The following PRR3 variants were observed in gnomAD, a reference collection of about 807,000 sequenced individuals.
PRR3 encodes proline rich 3.
In PRR3, 16 loss-of-function variants were observed where a neutral mutation model predicts 22.4. The observed-to-expected ratio is 0.71, with a 90% confidence interval of 0.48 to 1.09. The LOEUF (loss-of-function observed/expected upper bound fraction) is 1.09. Ranked by LOEUF, PRR3 falls within the 50% of genes least tolerant of loss-of-function variation. The pLI is 0.00. For missense variants in PRR3, 224 were observed against 243.4 expected (o/e 0.92, Z 0.53); for synonymous variants, 87 against 88.6 (o/e 0.98, Z 0.10).
intron 2 of PRR3, among the ~76,000 whole-genome samples, chr6:30,558,872 T>C (rs1461487397): frequency 2.6e-5 from 4 of 152,174 alleles, no homozygotes; most frequent in African/African-American, 9.7e-5. Flanking sequence ...GATATTCATG[T>C]GAAAAAAATG....
rs972603522 is a variant in PRR3, at chr6:30,563,042, T to C, written c.*547T>C. ...TCCTAAAAGGCCACTCTCCCTGCCT[T>C]TGGATTTCATAGTTTCTCTGTCAGT... On this transcript the variant is annotated 3_prime_UTR_variant, in exon 4 of 4. Coordinates refer to ENST00000376560, the MANE Select transcript of PRR3 (RefSeq NM_025263.4). The C allele has an allele frequency of 4.6e-5, 7 of 152,812 alleles. No homozygotes were observed. The highest frequency in any genetic ancestry group is 1.4e-4 in the African/African-American group (6 of 41,414). The allele number at this position is 152,812 out of a possible 1,614,324, so 9.5% of individuals were successfully genotyped here.
rs1346814655 is a variant in PRR3, at chr6:30,557,353, A to C, written c.9A>C (p.Lys3Asn). 1.2e-6 allele frequency: 2 copies of C among 1,612,498 alleles called. No individual in the cohort carries two copies. The highest frequency in any genetic ancestry group is 2.2e-5 in the East Asian group (1 of 44,884). MP[K>N]RKKQNHHQPP... ...CCATTGCCGCAGACACGATGCCGAA[A>C]CGAAAGAAGCAGAATCATCACCAGC... Residue 3 changes from lysine (K) to asparagine (N), a missense_variant, in exon 1 of 4, where the codon AAA becomes AAC. Lys to Asn is a moderately conservative substitution (Grantham distance 94). Coordinates refer to ENST00000376560, the MANE Select transcript of PRR3 (RefSeq NM_025263.4).
upstream of PRR3, chr6:30,557,146 G>A (rs1284023629): frequency 2.8e-6 from 2 of 703,116 alleles, no homozygotes; most frequent in Non-Finnish European, 5.2e-6. Context: ...TGAGGTTGCC[G>A]CCATGCCTGG....
At chr6:30,558,085 C>A in intron 1 of PRR3, 65 bp from the exon 2 acceptor site, 2 of 1,362,660 alleles carry the variant, frequency 1.5e-6, no homozygotes, top group Non-Finnish European at 2.1e-6. Flanking sequence ...AAGAAAAACA[C>A]CTAAGAACAG....
Position 30,557,451 on chromosome 6 carries a change from G to T in PRR3, c.106+1G>T, listed in dbSNP as rs1289885801. ...GATGAGGAGGATGGGAGTCCCATCG[G>T]TGAGGGGTCTGGGAGGGATGTGCAC... On this transcript the variant is annotated splice_donor_variant, in intron 1 of 3. Transcript: ENST00000376560. LOFTEE classifies it high-confidence loss of function. 1.4e-5 allele frequency: 23 copies of T among 1,602,284 alleles called. No homozygotes were observed. The highest frequency in any genetic ancestry group is 1.9e-5 in the Non-Finnish European group (22 of 1,172,338).
Position 30,563,707 on chromosome 6 carries a change from A to G in PRR3, c.*1212A>G, listed in dbSNP as rs1382478231. ...TATATTAGTAATAAATGCAGTGGAA[A>G]CCAGCATTTTATTTAATCCCTGTGT... On this transcript the variant is annotated 3_prime_UTR_variant, in exon 4 of 4. Coordinates refer to ENST00000376560, the MANE Select transcript of PRR3 (RefSeq NM_025263.4). The G allele has an allele frequency of 6.6e-6, 1 of 151,800 alleles. No individual in the cohort carries two copies. Among genetic ancestry groups the G allele is most frequent in the African/African-American group, 2.4e-5 (1 of 41,284 alleles). The allele number at this position is 151,800 out of a possible 1,614,324, so 9.4% of individuals were successfully genotyped here. A position where few individuals can be genotyped will look rare whatever the true frequency, so the allele number is the denominator to read the frequency against.
rs777183814 is a variant in PRR3 at position 30,558,176 on chromosome 6, C to T, written c.133C>T (p.Pro45Ser). The change falls in exon 2 of 4, where the codon CCC becomes TCC. Residue 45 changes from proline to serine, a missense_variant. Pro to Ser is a moderately conservative substitution (Grantham distance 74). Coordinates refer to ENST00000376560, the MANE Select transcript of PRR3 (RefSeq NM_025263.4). Reference sequence around the variant, plus strand: ...ACCACCCAGCCTTCTGGGCCCTCCCCCCATGGCCAATGGAAAACCTGGCGA... The same window carrying T: ...ACCACCCAGCCTTCTGGGCCCTCCCTCCATGGCCAATGGAAAACCTGGCGA... ...IGPPSLLGPP[P>S]MANGKPGDPK... The T allele has an allele frequency of 1.9e-6, 3 of 1,612,936 alleles. No homozygotes were observed. Among genetic ancestry groups the T allele is most frequent in the East Asian group, 2.2e-5 (1 of 44,894 alleles).
intron 2 of PRR3, 31 bp downstream of exon 2, chr6:30,558,243 T>A (rs769467883): frequency 1.2e-5 from 19 of 1,592,266 alleles, no homozygotes; most frequent in Non-Finnish European, 1.6e-5. Flanking sequence ...ATCCTTGTAT[T>A]AGGTCGTAGA....
upstream of PRR3, chr6:30,556,932 A>G: frequency 3.3e-6 from 2 of 614,964 alleles, no homozygotes; most frequent in Admixed American, 2.8e-5. The surrounding 1 kb of genome is among the most constrained non-coding windows in gnomAD (Gnocchi z 5.7). Flanking sequence ...AAGGGCACGA[A>G]GTTGTGCCTG....
At position 30,561,814 on chromosome 6, in the gene PRR3, C is replaced by A. The variant is rs775587506; in HGVS notation, c.170-20C>A. 4.2e-6 allele frequency: 6 copies of A among 1,439,620 alleles called. No individual in the cohort carries two copies. The highest frequency in any genetic ancestry group is 4.6e-6 in the Non-Finnish European group (5 of 1,079,408). 89.2% of individuals were successfully genotyped at this position (1,439,620 alleles called of 1,614,324 possible). A position where few individuals can be genotyped will look rare whatever the true frequency, so the allele number is the denominator to read the frequency against. Reference sequence around the variant, plus strand: ...GCCCATTAGACACCTTTCTGTGTCTCTCTCTCTCTCTCTCTCCAGCTCTTC... The same window carrying A: ...GCCCATTAGACACCTTTCTGTGTCTATCTCTCTCTCTCTCTCCAGCTCTTC... On this transcript the variant is annotated intron_variant, in intron 2 of 3. Coordinates refer to ENST00000376560, the MANE Select transcript of PRR3 (RefSeq NM_025263.4). The surrounding 1 kb of genome is among the most constrained non-coding windows in gnomAD (Gnocchi z 4.0).
rs549417516 is a variant in PRR3, at chr6:30,562,511, T to C, written c.*16T>C. On this transcript the variant is annotated 3_prime_UTR_variant, in exon 4 of 4. Coordinates refer to ENST00000376560, the MANE Select transcript of PRR3 (RefSeq NM_025263.4). ...TCCTCTGTGAGACTGTGCCTTCCCA[T>C]CCAGGCTGGAAGGAGCTCTCTGTGA... 5.9e-6 allele frequency: 9 copies of C among 1,521,490 alleles called. No individual in the cohort carries two copies. The African/African-American group carries it at 1.2e-4, about 21-fold the overall frequency. 94.2% of individuals were successfully genotyped at this position (1,521,490 alleles called of 1,614,324 possible).
chr6:30,562,598 C>T lies in PRR3; in HGVS notation c.*103C>T. On this transcript the variant is annotated 3_prime_UTR_variant, in exon 4 of 4. Coordinates refer to ENST00000376560, the MANE Select transcript of PRR3 (RefSeq NM_025263.4). The stretch of plus-strand genomic sequence containing the variant: ...GCTACTGTGAGGCTCTTCTAACACC[C>T]TCAGTCAGTGACACACCCATCCCAT... The T allele has an allele frequency of 2.7e-6, 2 of 751,646 alleles. No homozygotes were observed. The highest frequency in any genetic ancestry group is 2.3e-6 in the Non-Finnish European group (1 of 435,758). The allele number at this position is 751,646 out of a possible 1,614,324, so 46.6% of individuals were successfully genotyped here.
At chr6:30,558,591 G>C (rs1166372579) in intron 2 of PRR3, among the ~76,000 whole-genome samples, 1 of 152,220 alleles carries the variant, frequency 6.6e-6, no homozygotes, top group Non-Finnish European at 1.5e-5. Flanking sequence ...TCAGGAGGCT[G>C]AGGTGCGAGG....
chr6:30,557,032 G>A, upstream of PRR3: 1 of 696,828 alleles, frequency 1.4e-6, no homozygotes, highest in Non-Finnish European at 2.6e-6. Context: ...AGAGCCTGTT[G>A]ACTCTGTGAC....
Position 30,562,600 on chromosome 6 carries a change from C to G in PRR3, c.*105C>G, listed in dbSNP as rs1178431709. ...TACTGTGAGGCTCTTCTAACACCCT[C>G]AGTCAGTGACACACCCATCCCATCC... On this transcript the variant is annotated 3_prime_UTR_variant, in exon 4 of 4. Transcript: ENST00000376560. 8.2e-6 allele frequency: 6 copies of G among 727,880 alleles called. No individual in the cohort carries two copies. The Admixed American group carries it at 1.1e-4, about 14-fold the overall frequency. 45.1% of individuals were successfully genotyped at this position (727,880 alleles called of 1,614,324 possible). A position where few individuals can be genotyped will look rare whatever the true frequency, so the allele number is the denominator to read the frequency against.
chr6:30,562,649 A>C lies in PRR3; in HGVS notation c.*154A>C. 3.3e-6 allele frequency: 2 copies of C among 605,834 alleles called. No homozygotes were observed. Among genetic ancestry groups the C allele is most frequent in the South Asian group, 2.1e-5 (1 of 48,712 alleles). 37.5% of individuals were successfully genotyped at this position (605,834 alleles called of 1,614,324 possible). A position where few individuals can be genotyped will look rare whatever the true frequency, so the allele number is the denominator to read the frequency against. ...CCACCACTTCCCCCGTGTGGGGTCC[A>C]GAGTGGTGTTGCATCACTGGTGCGC... On this transcript the variant is annotated 3_prime_UTR_variant, in exon 4 of 4. Coordinates refer to ENST00000376560, the MANE Select transcript of PRR3 (RefSeq NM_025263.4).
rs1191303058 is a variant in PRR3, at chr6:30,561,759, T to G, written c.170-75T>G. 3.5e-6 allele frequency: 5 copies of G among 1,413,864 alleles called. No homozygotes were observed. The highest frequency in any genetic ancestry group is 2.5e-5 in the East Asian group (1 of 39,820). 87.6% of individuals were successfully genotyped at this position (1,413,864 alleles called of 1,614,324 possible). A position where few individuals can be genotyped will look rare whatever the true frequency, so the allele number is the denominator to read the frequency against. ...ATGCTGTTCTTCAATAAAAAAAATT[T>G]TTTTAATCACGGTTTATCAGGATTC... On this transcript the variant is annotated intron_variant, in intron 2 of 3. Transcript: ENST00000376560. This position sits in a 1 kb window ranked among gnomAD's most constrained non-coding sequence, Gnocchi z 4.0.
chr6:30,562,282 A>T, intron 3 of PRR3, 107 bp from the exon 4 acceptor site: 1 of 1,155,692 alleles, frequency 8.7e-7, no homozygotes, highest in Admixed American at 2.1e-5. Context: ...AAATACCTGG[A>T]AATGGTAGGG....
rs779272910 is a variant in PRR3 at position 30,561,877 on chromosome 6, A to C, written c.213A>C (p.Pro71=). The stretch of plus-strand genomic sequence containing the variant: ...CAGGATCAAGGGGACCACTGATTCC[A>C]CCACTGCTGAGTCTCCCACCTCCTC... The part of the protein sequence containing the change: ...GPPGSRGPLI[P]PLLSLPPPPW... Residue 71 remains proline, a synonymous_variant, in exon 3 of 4, where the codon CCA becomes CCC. Transcript: ENST00000376560. The surrounding 1 kb of genome is among the most constrained non-coding windows in gnomAD (Gnocchi z 4.0). 9 of 1,594,742 alleles carry C rather than the reference A, an allele frequency of 5.6e-6. No homozygotes were observed. The highest frequency in any genetic ancestry group is 7.7e-6 in the Non-Finnish European group (9 of 1,171,272).
Sources: gnomAD v4.1 joint callset for allele counts (sites outside exome capture counted in the v4.1 genomes callset) on GRCh38, gnomAD v4.1.1 for gene constraint, Gnocchi (gnomAD v3.1) non-coding constraint, MANE v1.5 for transcripts, NCBI Gene and HGNC (gene_info 2026-07-23, HGNC 2026-07-21) for gene names.